The following WDPCP variants were observed in gnomAD, a reference collection of about 807,000 sequenced individuals.
The protein encoded by WDPCP is WD repeat containing planar cell polarity effector.
A neutral mutation model predicts 93.1 loss-of-function variants in WDPCP; 71 were observed. The observed-to-expected ratio is 0.76, with a 90% CI of 0.63 to 0.93. The LOEUF is 0.93. WDPCP is among the 40% of genes least tolerant of loss of function. WDPCP has a pLI of 0.00. For missense variants in WDPCP, 844 were observed against 887.4 expected (o/e 0.95, Z 0.62); for synonymous variants, 315 against 315.0 (o/e 1.00, Z 0.00).
At chr2:63,419,353 G>A (rs1051358352) in intron 9 of WDPCP, among the ~76,000 whole-genome samples, 1 of 152,122 alleles carries the variant, frequency 6.6e-6, no homozygotes, top group African/African-American at 2.4e-5. Context: ...TCTTGGCCAG[G>A]CTGGTCTTGA....
chr2:63,458,230 A>G (rs1268922026), intron 6 of WDPCP, among the ~76,000 whole-genome samples: 4 of 11,380 alleles, frequency 3.5e-4, no homozygotes, highest in African/African-American at 5.0e-4. Flanking sequence ...TCAGGCAAGA[A>G]AAAAAAAAAA....
chr2:63,195,074 A>C (rs969484538), intron 14 of WDPCP, among the ~76,000 whole-genome samples: 2 of 152,200 alleles, frequency 1.3e-5, no homozygotes, highest in African/African-American at 2.4e-5. Context: ...ACTAGTCTTG[A>C]TTAAATGACT....
At chr2:63,250,654 T>C (rs185220269) in intron 14 of WDPCP, among the ~76,000 whole-genome samples, 1 of 152,176 alleles carries the variant, frequency 6.6e-6, no homozygotes, top group Admixed American at 6.5e-5. Flanking sequence ...CCTAGAACAA[T>C]GAGAAAGATG....
At chr2:63,606,983 C>G in intron 3 of WDPCP, 1 of 1,610,100 alleles carries the variant, frequency 6.2e-7, no homozygotes, top group Admixed American at 1.7e-5. Context: ...CTTTCCTCTG[C>G]CTGACTAGAC....
chr2:63,350,551 C>A (rs1689524768), intron 12 of WDPCP, among the ~76,000 whole-genome samples: 1 of 152,058 alleles, frequency 6.6e-6, no homozygotes, highest in Non-Finnish European at 1.5e-5. Flanking sequence ...TCTGAGCCAA[C>A]CCATTGTCAG....
At chr2:63,243,801 C>G (rs749860924) in intron 14 of WDPCP, among the ~76,000 whole-genome samples, 1 of 152,074 alleles carries the variant, frequency 6.6e-6, no homozygotes, top group Non-Finnish European at 1.5e-5. Flanking sequence ...CAGCATTAGA[C>G]AGGTCATCAA....
chr2:63,265,745 A>G (rs1682054279), intron 13 of WDPCP, among the ~76,000 whole-genome samples: 1 of 152,204 alleles, frequency 6.6e-6, no homozygotes, highest in Admixed American at 6.5e-5. Context: ...TGATGAACAC[A>G]GATGCAAAAA....
At chr2:63,839,654 C>A in the WDPCP span, among the ~76,000 whole-genome samples, 1 of 152,202 alleles carries the variant, frequency 6.6e-6, no homozygotes, top group Non-Finnish European at 1.5e-5. Context: ...CCAAATCTTT[C>A]GGTAGTATTT....
intron 2 of WDPCP, among the ~76,000 whole-genome samples, chr2:63,654,174 T>C (rs548945705): frequency 2.0e-5 from 3 of 152,192 alleles, no homozygotes; most frequent in African/African-American, 7.2e-5. Context: ...AAATAAAATA[T>C]CTGAAGTAAA....
intron 2 of WDPCP, among the ~76,000 whole-genome samples, chr2:63,807,110 C>T (rs1159708970): frequency 1.3e-5 from 2 of 152,142 alleles, no homozygotes; most frequent in African/African-American, 4.8e-5. Context: ...TAAGAAATTA[C>T]AAAAGTATTA....
rs563201790 is a variant in WDPCP, at chr2:63,729,797, T to G, written n.309-78959A>C. On this transcript the variant is annotated intron_variant and non_coding_transcript_variant, in intron 2 of 4. Coordinates refer to the WDPCP transcript ENST00000467687. Reference sequence around the variant, plus strand: ...TAGTTATGTTTCCTATGCTGCTTTATGTAGTGAAAAAAAAAATACAGTCAA... The same window carrying G: ...TAGTTATGTTTCCTATGCTGCTTTAGGTAGTGAAAAAAAAAATACAGTCAA... Among the ~76,000 whole-genome samples, 3 of 152,246 alleles carry G rather than the reference T, an allele frequency of 2.0e-5. No individual in the cohort carries two copies. In the East Asian group the frequency reaches 5.8e-4, roughly 29 times the overall value.
intron 10 of WDPCP, chr2:63,403,842 G>T: frequency 1.6e-6 from 1 of 643,440 alleles, no homozygotes; most frequent in South Asian, 2.1e-5. Context: ...GACAATTAGT[G>T]CAATTTACAA....
intron 14 of WDPCP, among the ~76,000 whole-genome samples, chr2:63,210,962 T>A (rs1331819570): frequency 6.6e-6 from 1 of 152,100 alleles, no homozygotes; most frequent in Non-Finnish European, 1.5e-5. Context: ...GCCAGGAAGC[T>A]CGAAATGGGT....
intron 17 of WDPCP, among the ~76,000 whole-genome samples, chr2:63,132,657 C>T (rs1233006425): frequency 6.6e-6 from 1 of 151,408 alleles, no homozygotes; most frequent in Non-Finnish European, 1.5e-5. Flanking sequence ...CCCCAGTGTG[C>T]CCATTATATT....
At chr2:63,135,961 G>A (rs1670589129) in intron 17 of WDPCP, among the ~76,000 whole-genome samples, 1 of 152,132 alleles carries the variant, frequency 6.6e-6, no homozygotes, top group Non-Finnish European at 1.5e-5. Context: ...TCAAACTCCA[G>A]GCCTTAAGTA....
intron 1 of WDPCP, among the ~76,000 whole-genome samples, chr2:63,495,426 GT>G (rs1470609148): frequency 6.6e-6 from 1 of 152,066 alleles, no homozygotes; most frequent in African/African-American, 2.4e-5. Context: ...TTACAGTTAA[GT>G]TTTTTTCTTA....
intron 2 of WDPCP, among the ~76,000 whole-genome samples, chr2:63,682,299 AG>A (rs1575746389): frequency 1.3e-5 from 2 of 152,366 alleles, no homozygotes; most frequent in East Asian, 3.9e-4. Context: ...AACATAGAGA[AG>A]GAATTCATAA....
intron 1 of WDPCP, among the ~76,000 whole-genome samples, chr2:63,545,364 A>G (rs995111054): frequency 6.6e-6 from 1 of 151,360 alleles, no homozygotes; most frequent in Admixed American, 6.6e-5. Flanking sequence ...AGAGAGAGAG[A>G]GGAGGGAGAG....
chr2:63,631,206 G>A (rs370687168), intron 3 of WDPCP, among the ~76,000 whole-genome samples: 8 of 152,114 alleles, frequency 5.3e-5, no homozygotes, highest in South Asian at 2.1e-4. Context: ...ACTTGAATCC[G>A]AGAGGCAGAG....
Sources: gnomAD v4.1 joint callset for allele counts (sites outside exome capture counted in the v4.1 genomes callset) on GRCh38, gnomAD v4.1.1 for gene constraint, MANE v1.5 for transcripts, NCBI Gene and HGNC (gene_info 2026-07-23, HGNC 2026-07-21) for gene names.